Variants in FBXW11 observed in about 807,000 individuals in gnomAD.
FBXW11 encodes F-box and WD repeat domain containing 11, also known as F-box/WD repeat-containing protein 11.
In FBXW11, 19 loss-of-function variants were observed where a neutral mutation model predicts 77.6. The observed-to-expected ratio is 0.24, with a 90% CI of 0.17 to 0.36. The LOEUF (loss-of-function observed/expected upper bound fraction) is 0.36, where lower values mean the gene tolerates loss of function less well. Ranked by LOEUF, FBXW11 falls within the 10% of genes least tolerant of loss-of-function variation. The pLI is 1.00. For synonymous variants in FBXW11, 235 were observed against 249.4 expected (o/e 0.94, Z 0.54); for missense variants, 334 against 704.2 (o/e 0.47, Z 5.95).
chr5:171,943,845 G>C (rs965747234), intron 2 of FBXW11, among the ~76,000 whole-genome samples: 1 of 152,152 alleles, frequency 6.6e-6, no homozygotes, highest in African/African-American at 2.4e-5. Flanking sequence ...TTTGAATTTA[G>C]AGCATGCTAC....
intron 2 of FBXW11, among the ~76,000 whole-genome samples, chr5:171,941,707 C>A (rs565504740): frequency 6.6e-6 from 1 of 151,788 alleles, no homozygotes; most frequent in African/African-American, 2.4e-5. Flanking sequence ...AAGCTTGAGA[C>A]TGTCTCAAAA....
At chr5:171,873,185 C>T (rs1049340542) in intron 9 of FBXW11, among the ~76,000 whole-genome samples, 195 bp from the exon 10 acceptor site, 1 of 152,170 alleles carries the variant, frequency 6.6e-6, no homozygotes, top group African/African-American at 2.4e-5. Flanking sequence ...TGAGTAATAA[C>T]ACTGGAATGA....
At chr5:171,996,159 G>A (rs952329240) in intron 1 of FBXW11, among the ~76,000 whole-genome samples, 2 of 152,098 alleles carry the variant, frequency 1.3e-5, no homozygotes, top group Non-Finnish European at 2.9e-5. Context: ...TCCCCAAGAC[G>A]ACCTGCCAAG....
chr5:171,938,495 T>C (rs987952672), intron 2 of FBXW11, among the ~76,000 whole-genome samples: 1 of 152,250 alleles, frequency 6.6e-6, no homozygotes, highest in African/African-American at 2.4e-5. Flanking sequence ...GTAGAATTGA[T>C]AACACATTCA....
intron 2 of FBXW11, among the ~76,000 whole-genome samples, chr5:171,952,447 A>ATTTTTTTTTTTTTTTT (rs1164383563): frequency 1.4e-4 from 1 of 6,948 alleles, no homozygotes; most frequent in Non-Finnish European, 3.2e-4. Context: ...ATATATATAT[A>ATTTTTTTTTTTTTTTT]TTTTTTTTTT....
At chr5:171,923,192 G>A (rs1294527584) in intron 2 of FBXW11, among the ~76,000 whole-genome samples, 2 of 152,118 alleles carry the variant, frequency 1.3e-5, no homozygotes, top group Non-Finnish European at 2.9e-5. Context: ...GGGATTACAG[G>A]CTGAGTCACC....
At chr5:171,946,360 A>C (rs1309143400) in intron 2 of FBXW11, among the ~76,000 whole-genome samples, 1 of 152,186 alleles carries the variant, frequency 6.6e-6, no homozygotes, top group Admixed American at 6.5e-5. Flanking sequence ...CAGCAGGTAG[A>C]GGGATCCTGT....
intron 1 of FBXW11, among the ~76,000 whole-genome samples, chr5:171,979,454 G>A (rs1048552242): frequency 4.0e-5 from 6 of 151,676 alleles, no homozygotes; most frequent in South Asian, 2.1e-4. Context: ...CTTACTTTAC[G>A]TTTTTCATTA....
In FBXW11 at chr5:171,870,841, C is replaced by T; in HGVS notation, c.1358G>A (p.Cys453Tyr). Reference protein sequence around the residue: ...DNTIRLWDIECGACLRVLEGH... With the variant: ...DNTIRLWDIEYGACLRVLEGH... Reference sequence around the variant, plus strand: ...CTCTAGGACTCTTAAACAGGCACCACATTCAATATCCCAGAGCCTTGAATG... The same window carrying T: ...CTCTAGGACTCTTAAACAGGCACCATATTCAATATCCCAGAGCCTTGAATG... The change falls in exon 11 of 14, where the codon TGT becomes TAT. Residue 453 changes from cysteine to tyrosine, a missense_variant. By Grantham distance (194) the Cys-to-Tyr change is radical. This residue lies in a region of FBXW11 where 50 missense variants were observed against 119.6 expected (regional missense o/e 0.42). Coordinates refer to ENST00000517395, the MANE Select transcript of FBXW11 (RefSeq NM_001378974.1). 2 of 1,613,244 alleles carry T rather than the reference C, an allele frequency of 1.2e-6. No homozygotes were observed. The highest frequency in any genetic ancestry group is 4.5e-5 in the East Asian group (2 of 44,860).
chr5:171,988,315 G>A (rs533290094), intron 1 of FBXW11, among the ~76,000 whole-genome samples: 37 of 151,798 alleles, frequency 2.4e-4, no homozygotes, highest in Non-Finnish European at 4.0e-4. Flanking sequence ...ATCTTGTTGT[G>A]CCAAAAAAGC....
chr5:171,994,966 A>C (rs2113579118), intron 1 of FBXW11, among the ~76,000 whole-genome samples: 1 of 152,340 alleles, frequency 6.6e-6, no homozygotes, highest in Non-Finnish European at 1.5e-5. Context: ...TGAACCTGGG[A>C]GGCAAAGGTT....
intron 1 of FBXW11, among the ~76,000 whole-genome samples, chr5:171,995,570 G>A (rs938202584): frequency 4.0e-5 from 6 of 151,894 alleles, no homozygotes; most frequent in African/African-American, 1.2e-4. Flanking sequence ...TGGCTAACAC[G>A]GTGAAACCCC....
rs1257702344 is a variant in FBXW11, at chr5:171,977,290, A to G, written c.46-19592T>C. 2.0e-5 allele frequency among the ~76,000 whole-genome samples: 3 copies of G among 150,768 alleles called. No individual in the cohort carries two copies. The East Asian group carries it at 5.8e-4, about 29-fold the overall frequency. ...GCACCACTGCACTCCAGCCTGGGCA[A>G]CAGAGCAAGACCATGTCTCAAAAAA... On this transcript the variant is annotated intron_variant, in intron 1 of 13. Transcript: ENST00000517395.
intron 6 of FBXW11, among the ~76,000 whole-genome samples, chr5:171,892,497 A>G (rs965629234): frequency 6.6e-6 from 1 of 152,260 alleles, no homozygotes; most frequent in East Asian, 1.9e-4. Flanking sequence ...CCCACAAAGC[A>G]GGATGGGCCT....
intron 1 of FBXW11, among the ~76,000 whole-genome samples, chr5:171,969,978 T>G (rs191894499): frequency 5.9e-5 from 9 of 152,316 alleles, no homozygotes; most frequent in Admixed American, 5.9e-4. Flanking sequence ...GTGCTGGTAT[T>G]ACAGGAATGA....
At chr5:171,901,602 T>C (rs1760118374) in intron 4 of FBXW11, among the ~76,000 whole-genome samples, 1 of 152,190 alleles carries the variant, frequency 6.6e-6, no homozygotes, top group Non-Finnish European at 1.5e-5. Context: ...CTGCATGTCA[T>C]TTACAGTTAA....
intron 6 of FBXW11, 90 bp from the exon 7 acceptor site, chr5:171,891,694 T>C (rs1759358837): frequency 7.9e-7 from 1 of 1,268,058 alleles, no homozygotes; most frequent in Non-Finnish European, 1.1e-6. Flanking sequence ...AGAAACAGCA[T>C]ACCACCGATA....
chr5:171,989,695 T>C (rs1765629858), intron 1 of FBXW11, among the ~76,000 whole-genome samples: 1 of 152,194 alleles, frequency 6.6e-6, no homozygotes, highest in South Asian at 2.1e-4. Context: ...ACAAGAAACA[T>C]AACCAAATAC....
rs185563465 is a variant in FBXW11 at position 171,929,724 on chromosome 5, C to T, written c.148-15319G>A. 2.2e-3 allele frequency among the ~76,000 whole-genome samples: 341 copies of T among 151,958 alleles called. 1 individual carries two copies. Among genetic ancestry groups the T allele is most frequent in the African/African-American group, 7.7e-3 (321 of 41,456 alleles). ...AAAATTAGCCGGGCATGGTGGCAGGCGCCTGTAGTCCCAGCTACTCGGGAG... is the reference window on the plus strand; with the variant it reads ...AAAATTAGCCGGGCATGGTGGCAGGTGCCTGTAGTCCCAGCTACTCGGGAG... On this transcript the variant is annotated intron_variant, in intron 2 of 13. Transcript: ENST00000517395.
Sources: gnomAD v4.1 joint callset for allele counts (sites outside exome capture counted in the v4.1 genomes callset) on GRCh38, gnomAD v4.1.1 for gene constraint, gnomAD v4.1.1 regional missense constraint, MANE v1.5 for transcripts, NCBI Gene and HGNC (gene_info 2026-07-23, HGNC 2026-07-21) for gene names.